LMBRD1: variants seen among roughly 807,000 people sequenced by gnomAD.
The protein encoded by LMBRD1 is LMBR1 domain containing 1.
LMBRD1 carries 64 observed loss-of-function variants against 74.8 expected under a neutral mutation model. That is an observed-to-expected ratio of 0.86 (90% CI 0.70 to 1.05). The LOEUF (loss-of-function observed/expected upper bound fraction) is 1.05. LMBRD1 is among the 50% of genes least tolerant of loss of function. LMBRD1 has a pLI of 0.00. For missense variants in LMBRD1, 652 were observed against 645.9 expected, an observed-to-expected ratio of 1.01 and a Z score of -0.10; for synonymous variants, 204 against 216.3, an observed-to-expected ratio of 0.94 and a Z score of 0.50.
At chr6:69,690,262 T>C (rs1326766977) in intron 14 of LMBRD1, among the ~76,000 whole-genome samples, 2 of 152,138 alleles carry the variant, frequency 1.3e-5, no homozygotes, top group East Asian at 1.9e-4. Context: ...TAATCCAGTA[T>C]ACATTTTTTC....
At chr6:69,789,254 T>A (rs1766028286) in intron 2 of LMBRD1, among the ~76,000 whole-genome samples, 1 of 152,234 alleles carries the variant, frequency 6.6e-6, no homozygotes, top group Admixed American at 6.5e-5. Context: ...CCAGGGATCG[T>A]GGCTCATGCC....
At chr6:69,689,862 C>A (rs1765839830) in intron 14 of LMBRD1, among the ~76,000 whole-genome samples, 2 of 151,944 alleles carry the variant, frequency 1.3e-5, no homozygotes, top group South Asian at 4.1e-4. Context: ...CTGGAGTAGA[C>A]AGGTAAATCT....
intron 13 of LMBRD1, 71 bp from the exon 14 acceptor site, chr6:69,697,712 A>C: frequency 2.2e-6 from 2 of 905,510 alleles, no homozygotes; most frequent in South Asian, 2.7e-5. Flanking sequence ...AAAAGTAATC[A>C]CTATGAACTG....
chr6:69,792,666 A>C (rs1370044062), intron 1 of LMBRD1, among the ~76,000 whole-genome samples: 1 of 152,238 alleles, frequency 6.6e-6, no homozygotes, highest in African/African-American at 2.4e-5. Flanking sequence ...CTTGTTTTTA[A>C]AGGAATTCAT....
intron 3 of LMBRD1, among the ~76,000 whole-genome samples, chr6:69,755,197 T>A (rs1256200161): frequency 6.6e-6 from 1 of 152,098 alleles, no homozygotes. Context: ...CCATCAATGA[T>A]AGACTGGATA....
At chr6:69,734,554 C>T (rs1027157368) in intron 7 of LMBRD1, among the ~76,000 whole-genome samples, 22 of 152,084 alleles carry the variant, frequency 1.4e-4, no homozygotes, top group African/African-American at 5.1e-4. Context: ...CACCACTAAG[C>T]CCGGCTAATT....
intron 14 of LMBRD1, among the ~76,000 whole-genome samples, chr6:69,682,031 T>C (rs916709141): frequency 3.3e-5 from 5 of 151,764 alleles, no homozygotes; most frequent in African/African-American, 4.8e-5. Flanking sequence ...TTGGGATCTG[T>C]GAGATTTTTA....
intron 14 of LMBRD1, among the ~76,000 whole-genome samples, chr6:69,681,473 A>T (rs1336256834): frequency 6.6e-6 from 1 of 152,026 alleles, no homozygotes; most frequent in African/African-American, 2.4e-5. Context: ...GTTAAGTAGA[A>T]TAAATAATAC....
intron 8 of LMBRD1, among the ~76,000 whole-genome samples, chr6:69,715,949 C>G (rs1268529691): frequency 7.9e-5 from 12 of 152,080 alleles, no homozygotes; most frequent in Non-Finnish European, 1.3e-4. Flanking sequence ...GGGACATGAT[C>G]TCATTTTTTA....
intron 14 of LMBRD1, among the ~76,000 whole-genome samples, chr6:69,680,088 AT>A (rs1162049773): frequency 1.3e-5 from 2 of 152,256 alleles, no homozygotes; most frequent in East Asian, 3.9e-4. Flanking sequence ...CAAAATTCAA[AT>A]TTGTATAATC....
At chr6:69,749,287 T>TTC (rs1322843544) in intron 5 of LMBRD1, 54 bp downstream of exon 5, 1 of 1,339,264 alleles carries the variant, frequency 7.5e-7, no homozygotes, top group African/African-American at 1.5e-5. Flanking sequence ...TATTTTTTTT[T>TTC]TCAAATAATT....
chr6:69,763,467 G>A (rs1765415052), intron 3 of LMBRD1, among the ~76,000 whole-genome samples: 1 of 152,184 alleles, frequency 6.6e-6, no homozygotes, highest in Admixed American at 6.5e-5. Flanking sequence ...TGAAATGAAG[G>A]AAGGTTGATA....
At chr6:69,679,338 G>A (rs990917661) in intron 14 of LMBRD1, among the ~76,000 whole-genome samples, 3 of 152,106 alleles carry the variant, frequency 2.0e-5, no homozygotes, top group Non-Finnish European at 2.9e-5. Flanking sequence ...CAGACTCACA[G>A]CAGAGACTCC....
intron 14 of LMBRD1, among the ~76,000 whole-genome samples, chr6:69,695,657 TTTG>T (rs1269911152): frequency 6.6e-6 from 1 of 152,168 alleles, no homozygotes; most frequent in African/African-American, 2.4e-5. Flanking sequence ...AAATTGTTTC[TTTG>T]TTATCTTTTA....
In LMBRD1 at chr6:69,676,168, TAGAC is replaced by T. The variant is rs1562078535; in HGVS notation, c.1609_1612del (p.Val537IlefsTer9). 4.3e-6 allele frequency: 7 copies of T among 1,612,204 alleles called. No homozygotes were observed. Among genetic ancestry groups the T allele is most frequent in the Non-Finnish European group, 4.2e-6 (5 of 1,178,682 alleles). On this transcript the variant is annotated frameshift_variant, in exon 16 of 16. Transcript: ENST00000649934. LOFTEE classifies it high-confidence loss of function. ...TAAGACAGAAGGCTGTCAAGCAGAA[TAGAC>T]AGAGGGCTCATCATCACTTATGTCT... is the stretch of plus-strand genomic sequence containing the variant.
intron 7 of LMBRD1, among the ~76,000 whole-genome samples, chr6:69,737,629 C>T (rs946006894): frequency 2.0e-5 from 3 of 149,588 alleles, no homozygotes; most frequent in African/African-American, 2.4e-5. Context: ...AATCTATAGG[C>T]ATATAGATTT....
chr6:69,765,660 G>A (rs1765462083), intron 3 of LMBRD1, among the ~76,000 whole-genome samples: 1 of 152,104 alleles, frequency 6.6e-6, no homozygotes, highest in Admixed American at 6.6e-5. Flanking sequence ...TTAAAAGTCT[G>A]TGTGACTTTA....
chr6:69,730,962 G>A (rs982091946), intron 7 of LMBRD1, among the ~76,000 whole-genome samples: 3 of 152,032 alleles, frequency 2.0e-5, no homozygotes, highest in African/African-American at 7.2e-5. Context: ...TGGCAGCTTC[G>A]AAGAAAATCC....
chr6:69,674,440 C>T lies in LMBRD1; in HGVS notation c.*1718G>A, dbSNP rs576117721. Among the ~76,000 whole-genome samples, 13 of 152,138 alleles carry T rather than the reference C, an allele frequency of 8.5e-5. No homozygotes were observed. Among genetic ancestry groups the T allele is most frequent in the South Asian group, 2.1e-4 (1 of 4,824 alleles). ...ATGATTGTTTGATGAGTCAGTTATA[C>T]AGAAGAGATATGGAGATCTACCTGA... On this transcript the variant is annotated 3_prime_UTR_variant, in exon 16 of 16. Coordinates refer to ENST00000649934, the MANE Select transcript of LMBRD1 (RefSeq NM_018368.4).
Sources: gnomAD v4.1 joint callset for allele counts (sites outside exome capture counted in the v4.1 genomes callset) on GRCh38, gnomAD v4.1.1 for gene constraint, MANE v1.5 for transcripts, NCBI Gene and HGNC (gene_info 2026-07-23, HGNC 2026-07-21) for gene names.